Variants in ASB3 observed in about 807,000 individuals in gnomAD.
The protein encoded by ASB3 is ankyrin repeat and SOCS box containing 3.
In ASB3, 41 loss-of-function variants were observed where a neutral mutation model predicts 54.5. That is an observed-to-expected ratio of 0.75 (90% confidence interval 0.59 to 0.98). The LOEUF (loss-of-function observed/expected upper bound fraction) is 0.98. Ranked by LOEUF, ASB3 falls within the 50% of genes least tolerant of loss-of-function variation. The probability of loss-of-function intolerance (pLI) is 0.00; values close to 1 mark genes in which losing one functional copy is unlikely to be tolerated. For synonymous variants in ASB3, 266 were observed against 221.2 expected (o/e 1.20, Z -1.80); for missense variants, 733 against 620.0 (o/e 1.18, Z -1.94).
intron 1 of ASB3, among the ~76,000 whole-genome samples, chr2:53,780,294 C>T (rs979001180): frequency 3.9e-5 from 6 of 152,052 alleles, no homozygotes; most frequent in Non-Finnish European, 5.9e-5. Context: ...CCTCATGCTC[C>T]AATCACACCA....
chr2:53,775,840 A>G (rs1674304288), intron 1 of ASB3, among the ~76,000 whole-genome samples: 1 of 152,136 alleles, frequency 6.6e-6, no homozygotes, highest in African/African-American at 2.4e-5. Flanking sequence ...CATAGATTGT[A>G]TTTTTTTAAG....
At chr2:53,774,628 C>G (rs867036793) in intron 1 of ASB3, 3 of 843,092 alleles carry the variant, frequency 3.6e-6, no homozygotes, top group South Asian at 5.9e-5. Flanking sequence ...ATTATTTAAA[C>G]TTTTATTTTA....
intron 5 of ASB3, among the ~76,000 whole-genome samples, chr2:53,716,996 T>A (rs1244416947): frequency 6.6e-6 from 1 of 152,160 alleles, no homozygotes; most frequent in Non-Finnish European, 1.5e-5. Context: ...GCCAGAGGAT[T>A]GCTTGAGGCC....
At chr2:53,766,903 T>C (rs1316925185) in intron 1 of ASB3, among the ~76,000 whole-genome samples, 1 of 152,170 alleles carries the variant, frequency 6.6e-6, no homozygotes, top group East Asian at 1.9e-4. Context: ...TATAAAAATC[T>C]TCAAGAAAGA....
intron 1 of ASB3, among the ~76,000 whole-genome samples, chr2:53,769,723 G>A (rs889752491): frequency 2.6e-5 from 4 of 152,210 alleles, no homozygotes; most frequent in Non-Finnish European, 5.9e-5. Flanking sequence ...GCGCACGCCA[G>A]TAGAGTCCCA....
chr2:53,733,117 G>A (rs1355288248), intron 3 of ASB3, among the ~76,000 whole-genome samples: 1 of 152,134 alleles, frequency 6.6e-6, no homozygotes, highest in Admixed American at 6.5e-5. Context: ...TAAACATTGA[G>A]TACCTGTGAA....
intron 2 of ASB3, among the ~76,000 whole-genome samples, chr2:53,761,337 T>G (rs937912427): frequency 6.6e-6 from 1 of 151,980 alleles, no homozygotes; most frequent in South Asian, 2.1e-4. Flanking sequence ...GGATATAAAC[T>G]CAGGCATTCG....
chr2:53,786,404 G>A (rs1675003379), intron 1 of ASB3: 1 of 152,176 alleles, frequency 6.6e-6, no homozygotes, highest in African/African-American at 2.4e-5. Flanking sequence ...AAATTCGGAG[G>A]CTTGCGGTAT....
At chr2:53,730,109 C>T (rs570974634) in intron 3 of ASB3, among the ~76,000 whole-genome samples, 31 of 152,088 alleles carry the variant, frequency 2.0e-4, no homozygotes, top group African/African-American at 7.0e-4. Context: ...GAACTAAAAG[C>T]GGATTCCAGA....
At chr2:53,762,170 A>T (rs1673181174) in intron 2 of ASB3, among the ~76,000 whole-genome samples, 1 of 135,476 alleles carries the variant, frequency 7.4e-6, no homozygotes, top group South Asian at 2.7e-4. Context: ...AAGTGATCTA[A>T]CTGTGTGTGT....
intron 2 of ASB3, among the ~76,000 whole-genome samples, chr2:53,753,949 TGGTTTTCACTATCATTCTCCCGTAAAA>T (rs1672672604): frequency 6.6e-6 from 1 of 152,060 alleles, no homozygotes; most frequent in African/African-American, 2.4e-5. Flanking sequence ...CCTTACATCT[TGGTTTTCACTATCATTCTCCCGTAAAA>T]GAAACCAGCA....
At chr2:53,675,916 G>A (rs942156559) in intron 9 of ASB3, among the ~76,000 whole-genome samples, 25 of 152,102 alleles carry the variant, frequency 1.6e-4, no homozygotes, top group African/African-American at 5.1e-4. Flanking sequence ...GGCATGGAGG[G>A]GAGTTCCTTT....
intron 3 of ASB3, among the ~76,000 whole-genome samples, chr2:53,734,870 T>A (rs2103935020): frequency 6.6e-6 from 1 of 152,246 alleles, no homozygotes; most frequent in South Asian, 2.1e-4. Context: ...CTCACCAGGA[T>A]TCTGTCTTCA....
chr2:53,719,552 C>T (rs778260522), intron 5 of ASB3, among the ~76,000 whole-genome samples: 2 of 152,022 alleles, frequency 1.3e-5, no homozygotes, highest in Non-Finnish European at 2.9e-5. Context: ...GAGATAACTC[C>T]CTTCCTTCTA....
intron 9 of ASB3, among the ~76,000 whole-genome samples, chr2:53,685,027 G>C (rs142125614): frequency 3.9e-5 from 6 of 152,300 alleles, no homozygotes; most frequent in African/African-American, 1.4e-4. Context: ...GTACTAATAT[G>C]CAGTACTCAT....
At chr2:53,701,114 C>T (rs1321560280) in intron 7 of ASB3, among the ~76,000 whole-genome samples, 1 of 152,140 alleles carries the variant, frequency 6.6e-6, no homozygotes, top group East Asian at 1.9e-4. Flanking sequence ...GGTGGGACTA[C>T]AGCTACATGC....
intron 3 of ASB3, among the ~76,000 whole-genome samples, chr2:53,731,316 C>A (rs1422644004): frequency 6.6e-6 from 1 of 152,118 alleles, no homozygotes; most frequent in African/African-American, 2.4e-5. Flanking sequence ...GCAGGAGAAT[C>A]GCTTAAACCT....
intron 7 of ASB3, among the ~76,000 whole-genome samples, chr2:53,702,921 C>G (rs1236060314): frequency 2.6e-5 from 4 of 152,216 alleles, no homozygotes; most frequent in Admixed American, 6.5e-5. Flanking sequence ...GTGAGTTTTA[C>G]TGAATGGCTT....
At chr2:53,768,017 G>A in intron 1 of ASB3, 1 of 1,613,228 alleles carries the variant, frequency 6.2e-7, no homozygotes, top group East Asian at 2.2e-5. Context: ...GGGGTCCCCG[G>A]CAAGGTGAGG....
Sources: gnomAD v4.1 joint callset for allele counts (sites outside exome capture counted in the v4.1 genomes callset) on GRCh38, gnomAD v4.1.1 for gene constraint, MANE v1.5 for transcripts, NCBI Gene and HGNC (gene_info 2026-07-23, HGNC 2026-07-21) for gene names.